Variants in SMYD3 observed in about 807,000 individuals in gnomAD.
The protein encoded by SMYD3 is histone-lysine N-methyltransferase SMYD3.
In SMYD3, 36 loss-of-function variants were observed where a neutral mutation model predicts 57.7. That is an observed-to-expected ratio of 0.62 (90% CI 0.48 to 0.82). The LOEUF (loss-of-function observed/expected upper bound fraction) is 0.82, where lower values mean the gene tolerates loss of function less well. Ranked by LOEUF, SMYD3 falls within the 40% of genes least tolerant of loss-of-function variation. The pLI, the probability that SMYD3 is intolerant of heterozygous loss-of-function variation, is 0.00. For missense variants in SMYD3, 515 were observed against 538.8 expected, an observed-to-expected ratio of 0.96 and a Z score of 0.44; for synonymous variants, 211 against 195.0, an observed-to-expected ratio of 1.08 and a Z score of -0.68.
intron 5 of SMYD3, among the ~76,000 whole-genome samples, chr1:246,067,987 C>T (rs1300639315): frequency 1.3e-5 from 2 of 152,102 alleles, no homozygotes; most frequent in Non-Finnish European, 2.9e-5. Flanking sequence ...GAACAAGAGA[C>T]CGTGTGGAGG....
At chr1:245,940,924 A>G (rs1372325649) in intron 5 of SMYD3, among the ~76,000 whole-genome samples, 1 of 152,182 alleles carries the variant, frequency 6.6e-6, no homozygotes, top group African/African-American at 2.4e-5. Flanking sequence ...CCATGATAAA[A>G]CATTACAGGA....
At chr1:245,773,540 A>C (rs1050251423) in intron 10 of SMYD3, among the ~76,000 whole-genome samples, 10 of 152,210 alleles carry the variant, frequency 6.6e-5, no homozygotes, top group Non-Finnish European at 1.5e-4. Context: ...CGCAGGGGTG[A>C]GGACTGGCCA....
intron 5 of SMYD3, among the ~76,000 whole-genome samples, chr1:246,299,622 A>T (rs1032772211): frequency 6.6e-6 from 1 of 152,200 alleles, no homozygotes; most frequent in Non-Finnish European, 1.5e-5. Context: ...AATTTTTAAA[A>T]TGTGGTACAT....
chr1:246,273,109 A>G (rs1291322389), intron 5 of SMYD3, among the ~76,000 whole-genome samples: 6 of 125,512 alleles, frequency 4.8e-5, no homozygotes, highest in African/African-American at 1.4e-4. Flanking sequence ...TTCATTCTGT[A>G]TGATTCATAA....
intron 1 of SMYD3, among the ~76,000 whole-genome samples, chr1:246,475,630 A>G (rs146602885): frequency 0.01 from 1,537 of 152,168 alleles, 13 homozygotes; most frequent in Middle Eastern, 0.034. Context: ...TGAGCGACAG[A>G]GCAAGACTCT....
intron 5 of SMYD3, among the ~76,000 whole-genome samples, chr1:246,018,087 G>A (rs1037144979): frequency 6.6e-6 from 1 of 152,102 alleles, no homozygotes; most frequent in African/African-American, 2.4e-5. Flanking sequence ...CAGACTAGGT[G>A]TGCACTAGGT....
chr1:246,452,503 A>C (rs552914752), intron 1 of SMYD3, among the ~76,000 whole-genome samples: 19 of 152,296 alleles, frequency 1.2e-4, no homozygotes, highest in African/African-American at 4.6e-4. Context: ...CGTTTCAAAA[A>C]AGAAACGGAA....
chr1:246,468,511 C>T (rs896680059), intron 1 of SMYD3, among the ~76,000 whole-genome samples: 33 of 151,922 alleles, frequency 2.2e-4, no homozygotes, highest in African/African-American at 7.3e-4. Flanking sequence ...TATGGTGGCA[C>T]ATGCCTGTAA....
chr1:246,423,070 A>G (rs555799955), intron 1 of SMYD3, among the ~76,000 whole-genome samples: 77 of 152,248 alleles, frequency 5.1e-4, no homozygotes, highest in African/African-American at 1.8e-3. Context: ...AGGCCAAGGC[A>G]GGCGGATCAT....
chr1:246,216,909 C>T (rs993506314), intron 5 of SMYD3, among the ~76,000 whole-genome samples: 3 of 152,058 alleles, frequency 2.0e-5, no homozygotes, highest in African/African-American at 7.3e-5. Context: ...GTGTGTGGGC[C>T]TCATCCAGAC....
At chr1:245,961,018 C>A (rs539002147) in intron 5 of SMYD3, among the ~76,000 whole-genome samples, 6 of 152,218 alleles carry the variant, frequency 3.9e-5, no homozygotes, top group Non-Finnish European at 8.8e-5. Context: ...TCCCCCAAAT[C>A]AATTCAGTTT....
intron 1 of SMYD3, among the ~76,000 whole-genome samples, chr1:246,443,424 T>C (rs1386423613): frequency 6.6e-6 from 1 of 152,248 alleles, no homozygotes; most frequent in Non-Finnish European, 1.5e-5. Context: ...AGAATCAATA[T>C]ACATGTAACA....
At chr1:246,167,502 GTT>G (rs564629044) in intron 5 of SMYD3, among the ~76,000 whole-genome samples, 1 of 146,994 alleles carries the variant, frequency 6.8e-6, no homozygotes, top group African/African-American at 2.5e-5. Context: ...CCTCATTACG[GTT>G]TTTTTTTCTT....
At position 246,337,985 on chromosome 1, in the gene SMYD3, T is replaced by C. The variant is rs1409052771; in HGVS notation, c.229-2511A>G. Among the ~76,000 whole-genome samples, 5 of 152,122 alleles carry C rather than the reference T, an allele frequency of 3.3e-5. No individual in the cohort carries two copies. The South Asian group carries it at 8.3e-4, about 25-fold the overall frequency. ...GATATAGAGCTCCTTTTCTCAACAA[T>C]AACTAGAAACTAGACAAAATGTTTC... On this transcript the variant is annotated intron_variant, in intron 2 of 11. Transcript: ENST00000490107.
intron 8 of SMYD3, among the ~76,000 whole-genome samples, chr1:245,907,372 A>G (rs141190463): frequency 1.3e-5 from 2 of 152,326 alleles, no homozygotes; most frequent in African/African-American, 4.8e-5. Context: ...TTTTTAAAAA[A>G]TAAAATAATT....
intron 5 of SMYD3, among the ~76,000 whole-genome samples, chr1:246,270,161 AT>A (rs1448842200): frequency 1.3e-5 from 2 of 152,114 alleles, no homozygotes; most frequent in African/African-American, 4.8e-5. Flanking sequence ...CAGTGATAGA[AT>A]TTTCTTTAAA....
At chr1:245,807,540 G>C (rs1335524162) in intron 10 of SMYD3, among the ~76,000 whole-genome samples, 4 of 152,190 alleles carry the variant, frequency 2.6e-5, no homozygotes, top group East Asian at 1.9e-4. Context: ...GCAGCAGAGA[G>C]AGAATTACCG....
chr1:245,845,505 T>C (rs1298124353), intron 10 of SMYD3, among the ~76,000 whole-genome samples: 2 of 152,176 alleles, frequency 1.3e-5, no homozygotes, highest in Non-Finnish European at 2.9e-5. Flanking sequence ...TGTCACACAC[T>C]GCCATCAGGT....
At chr1:246,261,042 TTTGTTG>T (rs111699160) in intron 5 of SMYD3, among the ~76,000 whole-genome samples, 120 of 107,582 alleles carry the variant, frequency 1.1e-3, no homozygotes, top group African/African-American at 3.3e-3. Flanking sequence ...CTTTCTGGGT[TTTGTTG>T]TTGTTGTTGT....
Sources: allele counts gnomAD v4.1 joint callset (sites outside exome capture counted in the v4.1 genomes callset), GRCh38; gene constraint gnomAD v4.1.1; transcripts MANE v1.5; gene names NCBI Gene and HGNC (gene_info 2026-07-23, HGNC 2026-07-21).